Variants in PCDHA3 observed in about 807,000 individuals in gnomAD.
PCDHA3 encodes protocadherin alpha-3.
Under a neutral mutation model 62.2 loss-of-function variants are expected in PCDHA3, and 41 were observed. The observed-to-expected ratio is 0.66, with a 90% CI of 0.51 to 0.86. PCDHA3 has a LOEUF of 0.86. Ranked by LOEUF, PCDHA3 falls within the 40% of genes least tolerant of loss-of-function variation. The probability of loss-of-function intolerance (pLI) is 0.00; values close to 1 mark genes in which losing one functional copy is unlikely to be tolerated. For missense variants in PCDHA3, 1,304 were observed against 1,241.2 expected, an observed-to-expected ratio of 1.05 and a Z score of -0.76; for synonymous variants, 640 against 555.4, an observed-to-expected ratio of 1.15 and a Z score of -2.14.
chr5:140,905,995 G>C (rs2072280853), intron 1 of PCDHA3, among the ~76,000 whole-genome samples: 1 of 152,114 alleles, frequency 6.6e-6, no homozygotes. Context: ...ATGTAGGCTG[G>C]GAGGCTAAGC....
intron 1 of PCDHA3, among the ~76,000 whole-genome samples, chr5:140,827,602 C>T (rs2150148400): frequency 1.3e-5 from 2 of 152,268 alleles, no homozygotes; most frequent in Non-Finnish European, 2.9e-5. Flanking sequence ...CAGATGTGGG[C>T]AAGTTTCTTT....
intron 1 of PCDHA3, chr5:140,930,374 C>G (rs549190703): frequency 6.6e-6 from 1 of 151,988 alleles, no homozygotes; most frequent in South Asian, 2.1e-4. Flanking sequence ...TGTTAGTGGC[C>G]CTTGGCATTT....
intron 1 of PCDHA3, among the ~76,000 whole-genome samples, chr5:140,890,160 C>T (rs1554184178): frequency 1.3e-5 from 2 of 152,246 alleles, no homozygotes; most frequent in East Asian, 3.9e-4. Context: ...AGTATTTCTG[C>T]CACAGAAATA....
intron 1 of PCDHA3, among the ~76,000 whole-genome samples, chr5:140,942,607 A>G (rs529680459): frequency 1.7e-5 from 2 of 116,438 alleles, no homozygotes; most frequent in East Asian, 2.5e-4. Context: ...TAGTGTTTAT[A>G]TTTGCCAATT....
Position 140,829,342 on chromosome 5 carries a change from C to A in PCDHA3, c.2394+25751C>A, listed in dbSNP as rs17844302. On this transcript the variant is annotated intron_variant, in intron 1 of 3. Transcript: ENST00000522353. Reference sequence around the variant, plus strand: ...TGGACAGTGCCCTGGACCGCGAGAGCGTGTCGGCCTATGAGTTGGTGGTAA... The same window carrying A: ...TGGACAGTGCCCTGGACCGCGAGAGAGTGTCGGCCTATGAGTTGGTGGTAA... The A allele has an allele frequency of 4.1e-3, 6,559 of 1,614,192 alleles. 207 individuals carry two copies. In the African/African-American group the frequency reaches 0.072, roughly 18 times the overall value.
chr5:140,865,377 T>C (rs2048847316), intron 1 of PCDHA3: 1 of 152,154 alleles, frequency 6.6e-6, no homozygotes, highest in South Asian at 2.1e-4. Flanking sequence ...ATGTTATAGG[T>C]AGGGTAAAGT....
chr5:140,836,197 C>T, intron 1 of PCDHA3: 1 of 1,613,818 alleles, frequency 6.2e-7, no homozygotes, highest in Non-Finnish European at 8.5e-7. Flanking sequence ...GGCTACAACG[C>T]GTGGCTTTCG....
chr5:140,832,775 G>A (rs1250232820), intron 1 of PCDHA3, among the ~76,000 whole-genome samples: 1 of 152,166 alleles, frequency 6.6e-6, no homozygotes, highest in Non-Finnish European at 1.5e-5. Flanking sequence ...TGTAAGAGGT[G>A]CTAGAAAGGT....
chr5:140,938,293 C>G (rs896897734), intron 1 of PCDHA3, among the ~76,000 whole-genome samples: 1 of 152,110 alleles, frequency 6.6e-6, no homozygotes, highest in African/African-American at 2.4e-5. Flanking sequence ...CTGTCATTGC[C>G]TATGAAATTC....
chr5:140,858,025 G>A, intron 1 of PCDHA3: 1 of 1,596,948 alleles, frequency 6.3e-7, no homozygotes, highest in Non-Finnish European at 8.6e-7. Context: ...CGTCGCTGAC[G>A]GCCACGGCCA....
chr5:140,835,535 G>A, intron 1 of PCDHA3: 3 of 1,613,958 alleles, frequency 1.9e-6, no homozygotes, highest in Non-Finnish European at 2.5e-6. Flanking sequence ...TCAACGGACA[G>A]GTTACCTGCT....
intron 1 of PCDHA3, among the ~76,000 whole-genome samples, chr5:140,961,708 A>C (rs2095630610): frequency 6.6e-6 from 1 of 152,204 alleles, no homozygotes; most frequent in Non-Finnish European, 1.5e-5. Flanking sequence ...GAATGCCTTC[A>C]TTTCTAAGTG....
At chr5:140,982,585 A>G (rs782780327) in intron 3 of PCDHA3, 22 bp downstream of exon 3, 1 of 1,611,974 alleles carries the variant, frequency 6.2e-7, no homozygotes, top group Non-Finnish European at 8.5e-7. Context: ...GGGTCTCTCC[A>G]TTCTTTCTTG....
chr5:140,915,328 A>G (rs1554196854), intron 1 of PCDHA3, among the ~76,000 whole-genome samples: 1 of 152,100 alleles, frequency 6.6e-6, no homozygotes. Context: ...CAGTGTTATA[A>G]TATTCTGTGT....
At chr5:140,842,199 T>G in intron 1 of PCDHA3, 1 of 1,613,772 alleles carries the variant, frequency 6.2e-7, no homozygotes, top group African/African-American at 1.3e-5. Context: ...ATTGACCACT[T>G]TAGCATAGAT....
At chr5:140,996,077 G>A in intron 3 of PCDHA3, among the ~76,000 whole-genome samples, 1 of 152,218 alleles carries the variant, frequency 6.6e-6, no homozygotes, top group East Asian at 1.9e-4. Flanking sequence ...GATTCAAGAT[G>A]TTTTTGCTAG....
intron 1 of PCDHA3, chr5:140,808,896 C>A: frequency 1.2e-6 from 2 of 1,613,416 alleles, no homozygotes; most frequent in Non-Finnish European, 8.5e-7. Flanking sequence ...GCGCCTCGGG[C>A]GGGTGGCACT....
chr5:140,925,427 G>A (rs1394500937), intron 1 of PCDHA3, among the ~76,000 whole-genome samples: 2 of 152,012 alleles, frequency 1.3e-5, no homozygotes, highest in Non-Finnish European at 2.9e-5. Context: ...CTGGTTGTAG[G>A]GTGTTAGGCA....
intron 1 of PCDHA3, among the ~76,000 whole-genome samples, chr5:140,886,696 C>T (rs564317930): frequency 2.0e-5 from 3 of 151,944 alleles, no homozygotes; most frequent in Non-Finnish European, 2.9e-5. Flanking sequence ...CATGGTGGCA[C>T]GCGCCTGTAA....
Sources: allele counts gnomAD v4.1 joint callset (sites outside exome capture counted in the v4.1 genomes callset), GRCh38; gene constraint gnomAD v4.1.1; transcripts MANE v1.5; gene names NCBI Gene and HGNC (gene_info 2026-07-23, HGNC 2026-07-21).